LDLRAD4: variants seen among roughly 807,000 people sequenced by gnomAD.
LDLRAD4 encodes low-density lipoprotein receptor class A domain-containing protein 4.
In LDLRAD4, 5 loss-of-function variants were observed where a neutral mutation model predicts 17.0. The observed-to-expected ratio is 0.29, with a 90% CI of 0.15 to 0.62. LDLRAD4 has a LOEUF of 0.62. Among genes scored for constraint, LDLRAD4 ranks in the 20% least tolerant of loss-of-function variants. The pLI, the probability that LDLRAD4 is intolerant of heterozygous loss-of-function variation, is 0.84. For synonymous variants in LDLRAD4, 168 were observed against 171.8 expected, an observed-to-expected ratio of 0.98 and a Z score of 0.17; for missense variants, 340 against 424.7, an observed-to-expected ratio of 0.80 and a Z score of 1.75.
At chr18:13,413,890 A>G (rs1288634802) in intron 2 of LDLRAD4, among the ~76,000 whole-genome samples, 1 of 151,830 alleles carries the variant, frequency 6.6e-6, no homozygotes, top group Non-Finnish European at 1.5e-5. Context: ...ACATAGAGAA[A>G]CTCCAGAAAT....
At chr18:13,594,591 G>A (rs1368550656) in intron 3 of LDLRAD4, among the ~76,000 whole-genome samples, 8 of 146,820 alleles carry the variant, frequency 5.4e-5, no homozygotes, top group Non-Finnish European at 8.9e-5. Flanking sequence ...GCTTGAACCC[G>A]GAAGGTGGAG....
chr18:13,403,672 T>A (rs1029960456), intron 2 of LDLRAD4, among the ~76,000 whole-genome samples: 24 of 152,232 alleles, frequency 1.6e-4, no homozygotes, highest in African/African-American at 4.6e-4. Flanking sequence ...CATCATGACC[T>A]TATTTAGTTC....
At position 13,621,686 on chromosome 18, in the gene LDLRAD4, T is replaced by C. The variant is rs910290929; in HGVS notation, c.336+415T>C. Among the ~76,000 whole-genome samples the C allele has an allele frequency of 6.6e-6, 1 of 152,138 alleles. No individual in the cohort carries two copies. The highest frequency in any genetic ancestry group is 1.5e-5 in the Non-Finnish European group (1 of 68,026). ...GTCCTGGAGGTGCTGCGGGGACAAA[T>C]CACGCGCTCATCGTCACTAAACGTG... On this transcript the variant is annotated intron_variant, in intron 4 of 5. Coordinates refer to ENST00000359446, the Ensembl canonical transcript of LDLRAD4. This position sits in a 1 kb window ranked among gnomAD's most constrained non-coding sequence, Gnocchi z 5.5.
chr18:13,455,159 A>T (rs920986432), intron 3 of LDLRAD4, among the ~76,000 whole-genome samples: 1 of 152,124 alleles, frequency 6.6e-6, no homozygotes. Context: ...AGGACCAGGG[A>T]TGTTCCTCAG....
chr18:13,306,747 G>A (rs1205806902), intron 1 of LDLRAD4, among the ~76,000 whole-genome samples: 1 of 152,220 alleles, frequency 6.6e-6, no homozygotes, highest in Non-Finnish European at 1.5e-5. Flanking sequence ...CAGATGTTGT[G>A]CATGACTTCA....
chr18:13,475,043 G>T (rs1305162307), intron 3 of LDLRAD4, among the ~76,000 whole-genome samples: 3 of 152,178 alleles, frequency 2.0e-5, no homozygotes, highest in East Asian at 3.9e-4. Context: ...CCTCTTGATT[G>T]CTGGGAAGCA....
chr18:13,457,760 G>A lies in LDLRAD4; in HGVS notation c.181+19376G>A, dbSNP rs548155486. 4.6e-5 allele frequency among the ~76,000 whole-genome samples: 7 copies of A among 152,266 alleles called. No individual in the cohort carries two copies. In the East Asian group the frequency reaches 7.7e-4, roughly 17 times the overall value. On this transcript the variant is annotated intron_variant, in intron 3 of 5. Transcript: ENST00000359446. The stretch of plus-strand genomic sequence containing the variant: ...CCCAAGCATCCCAGGGCCCTCTGCT[G>A]TGAAGGCGGCTCCCCCTGCCTCGCT...
intron 1 of LDLRAD4, among the ~76,000 whole-genome samples, chr18:13,259,596 T>C (rs753417495): frequency 1.3e-5 from 2 of 152,224 alleles, no homozygotes; most frequent in Non-Finnish European, 2.9e-5. Context: ...CTCATATATA[T>C]GTATGTAAAG....
intron 1 of LDLRAD4, among the ~76,000 whole-genome samples, chr18:13,363,703 G>T (rs944858947): frequency 1.3e-5 from 2 of 152,202 alleles, no homozygotes; most frequent in African/African-American, 4.8e-5. Context: ...AATATGTAGT[G>T]TCAGGAGGAG....
At chr18:13,434,429 A>G (rs371251255) in intron 2 of LDLRAD4, among the ~76,000 whole-genome samples, 20 of 152,164 alleles carry the variant, frequency 1.3e-4, no homozygotes, top group African/African-American at 4.8e-4. Flanking sequence ...TCTGTATTCC[A>G]GTCCAGTATT....
rs1239127444 is a variant in LDLRAD4 at position 13,398,904 on chromosome 18, C to A, written c.40+11142C>A. ...ATTGTGTCCACTCTCATGGAGTATG[C>A]TCGTGCGCAGAGATGCAGCCACCCA... On this transcript the variant is annotated intron_variant, in intron 2 of 5. Coordinates refer to ENST00000359446, the Ensembl canonical transcript of LDLRAD4. This position sits in a 1 kb window ranked among gnomAD's most constrained non-coding sequence, Gnocchi z 4.8. Among the ~76,000 whole-genome samples the A allele has an allele frequency of 6.6e-6, 1 of 152,166 alleles. No homozygotes were observed. Among genetic ancestry groups the A allele is most frequent in the Non-Finnish European group, 1.5e-5 (1 of 68,018 alleles).
At chr18:13,382,361 A>G (rs951659736) in intron 1 of LDLRAD4, among the ~76,000 whole-genome samples, 3 of 152,188 alleles carry the variant, frequency 2.0e-5, no homozygotes, top group Admixed American at 2.0e-4. Flanking sequence ...TGCGTTTCAT[A>G]TAAGTTTTTG....
exon 6 of LDLRAD4, chr18:13,647,217 ATT>A (rs1412686717): frequency 1.3e-5 from 2 of 151,728 alleles, no homozygotes; most frequent in Non-Finnish European, 3.0e-5. Flanking sequence ...AATTTTAAAT[ATT>A]GTTAGTTTTA....
intron 1 of LDLRAD4, among the ~76,000 whole-genome samples, chr18:13,228,851 AC>A (rs1487817555): frequency 1.3e-5 from 2 of 152,242 alleles, no homozygotes; most frequent in African/African-American, 4.8e-5. Flanking sequence ...TTGTGTATGT[AC>A]AGTTACAACT....
chr18:13,438,217 T>G, intron 2 of LDLRAD4, 27 bp from the exon 4 acceptor site: 5 of 1,611,226 alleles, frequency 3.1e-6, no homozygotes, highest in Non-Finnish European at 4.2e-6. Context: ...CATTGACTGC[T>G]CCATGCTTTA....
chr18:13,290,160 CT>C (rs2045884077), intron 1 of LDLRAD4, among the ~76,000 whole-genome samples: 1 of 152,216 alleles, frequency 6.6e-6, no homozygotes, highest in African/African-American at 2.4e-5. Context: ...ATTCTTCCCC[CT>C]GGTTATTGTC....
intron 3 of LDLRAD4, among the ~76,000 whole-genome samples, chr18:13,600,070 G>A (rs1011292809): frequency 6.6e-6 from 1 of 152,152 alleles, no homozygotes; most frequent in Non-Finnish European, 1.5e-5. Context: ...TCTTGCCTTA[G>A]CCTCCCAGGT....
intron 3 of LDLRAD4, among the ~76,000 whole-genome samples, chr18:13,575,969 A>G (rs2094763869): frequency 6.6e-6 from 1 of 152,100 alleles, no homozygotes; most frequent in Non-Finnish European, 1.5e-5. Flanking sequence ...TAGATTATAG[A>G]TATTAGTCCT....
At chr18:13,356,307 C>T (rs753621401) in intron 1 of LDLRAD4, among the ~76,000 whole-genome samples, 107 of 152,218 alleles carry the variant, frequency 7.0e-4, no homozygotes, top group Middle Eastern at 3.2e-3. Context: ...TGGCAGCAGG[C>T]GCCCGCAGCT....
Sources: gnomAD v4.1 joint callset for allele counts (sites outside exome capture counted in the v4.1 genomes callset) on GRCh38, gnomAD v4.1.1 for gene constraint, Gnocchi (gnomAD v3.1) non-coding constraint, MANE v1.5 for transcripts, NCBI Gene and HGNC (gene_info 2026-07-23, HGNC 2026-07-21) for gene names.